Variants in RCAN3 observed in about 807,000 individuals in gnomAD.
The protein encoded by RCAN3 is calcipressin-3.
Under a neutral mutation model 21.9 loss-of-function variants are expected in RCAN3, and 19 were observed. The ratio of observed to expected loss-of-function variants is 0.87; its 90% CI spans 0.61 to 1.27. The LOEUF is 1.27. RCAN3 is among the 50% of genes most tolerant of loss of function. RCAN3 has a pLI of 0.00. For synonymous variants in RCAN3, 114 were observed against 112.3 expected (o/e 1.01, Z -0.09); for missense variants, 240 against 300.1 (o/e 0.80, Z 1.48).
chr1:24,514,299 C>T lies in RCAN3; in HGVS notation c.-59-15C>T. 1 of 1,288,052 alleles carries T rather than the reference C, an allele frequency of 7.8e-7. No individual in the cohort carries two copies. The highest frequency in any genetic ancestry group is 1.0e-6 in the Non-Finnish European group (1 of 960,460). 79.8% of individuals were successfully genotyped at this position (1,288,052 alleles called of 1,614,324 possible). A position where few individuals can be genotyped will look rare whatever the true frequency, so the allele number is the denominator to read the frequency against. ...CTTCGGAGTTTTACCTCTGCATTTT[C>T]TTTTTTTTTAACAGTGGGTGCCTGA... On this transcript the variant is annotated splice_polypyrimidine_tract_variant and intron_variant, in intron 1 of 4. Transcript: ENST00000374395.
Position 24,538,857 on chromosome 1 carries a change from G to A in RCAN3, c.*3580G>A, listed in dbSNP as rs1650370920. 6.6e-6 allele frequency: 1 copy of A among 152,050 alleles called. No individual in the cohort carries two copies. Among genetic ancestry groups the A allele is most frequent in the African/African-American group, 2.4e-5 (1 of 41,388 alleles). 9.4% of individuals were successfully genotyped at this position (152,050 alleles called of 1,614,324 possible). A position where few individuals can be genotyped will look rare whatever the true frequency, so the allele number is the denominator to read the frequency against. ...TGTGTGCCTGTAGTCTCAGCTATTT[G>A]AGAGGCTGAGGTGAGAGGATCACTT... is the stretch of plus-strand genomic sequence containing the variant. On this transcript the variant is annotated 3_prime_UTR_variant, in exon 5 of 5. Coordinates refer to ENST00000374395, the MANE Select transcript of RCAN3 (RefSeq NM_013441.4).
intron 4 of RCAN3, 134 bp downstream of exon 4, chr1:24,533,388 C>A: frequency 1.6e-6 from 1 of 609,464 alleles, no homozygotes; most frequent in Non-Finnish European, 2.6e-6. Context: ...CAGATTCCAG[C>A]TGTGGCATCT....
Position 24,539,493 on chromosome 1 carries a change from G to T in RCAN3, c.*4216G>T, listed in dbSNP as rs995495527. 1 of 152,166 alleles carries T rather than the reference G, an allele frequency of 6.6e-6. No individual in the cohort carries two copies. Among genetic ancestry groups the T allele is most frequent in the Non-Finnish European group, 1.5e-5 (1 of 68,034 alleles). The allele number at this position is 152,166 out of a possible 1,614,324, so 9.4% of individuals were successfully genotyped here. On this transcript the variant is annotated 3_prime_UTR_variant, in exon 5 of 5. Coordinates refer to ENST00000374395, the MANE Select transcript of RCAN3 (RefSeq NM_013441.4). ...TTTCATATTAATGAAATGACTAATA[G>T]TCGTACTTAAGAGGTAACTCTACTA...
chr1:24,516,356 G>A (rs1018988445), intron 2 of RCAN3, among the ~76,000 whole-genome samples: 9 of 151,984 alleles, frequency 5.9e-5, no homozygotes, highest in African/African-American at 1.9e-4. Flanking sequence ...AAAGGAGGAA[G>A]GATCACAGCC....
chr1:24,537,920 T>G lies in RCAN3; in HGVS notation c.*2643T>G, dbSNP rs1055796964. 1 of 152,166 alleles carries G rather than the reference T, an allele frequency of 6.6e-6. No individual in the cohort carries two copies. The highest frequency in any genetic ancestry group is 1.5e-5 in the Non-Finnish European group (1 of 68,046). 9.4% of individuals were successfully genotyped at this position (152,166 alleles called of 1,614,324 possible). A position where few individuals can be genotyped will look rare whatever the true frequency, so the allele number is the denominator to read the frequency against. ...GTCTCAAAAAAAAAAGATTTAACCC[T>G]GATTGATAGTATAGTAGCCATGTTT... On this transcript the variant is annotated 3_prime_UTR_variant, in exon 5 of 5. Coordinates refer to ENST00000374395, the MANE Select transcript of RCAN3 (RefSeq NM_013441.4).
chr1:24,512,049 G>C (rs1035057517), intron 1 of RCAN3, among the ~76,000 whole-genome samples: 5 of 152,142 alleles, frequency 3.3e-5, no homozygotes, highest in African/African-American at 1.2e-4. Flanking sequence ...AGGAACACAT[G>C]TTTGCTGAGG....
At chr1:24,508,053 G>A (rs574248575) in intron 1 of RCAN3, among the ~76,000 whole-genome samples, 77 of 152,164 alleles carry the variant, frequency 5.1e-4, no homozygotes, top group Middle Eastern at 3.4e-3. Context: ...AGCCGAGATC[G>A]CGCCACTGCG....
rs1473711561 is a variant in RCAN3 at position 24,525,827 on chromosome 1, G to A, written c.196-5391G>A. 6.6e-6 allele frequency among the ~76,000 whole-genome samples: 1 copy of A among 152,116 alleles called. No homozygotes were observed. Among genetic ancestry groups the A allele is most frequent in the Non-Finnish European group, 1.5e-5 (1 of 68,038 alleles). On this transcript the variant is annotated intron_variant, in intron 2 of 4. Coordinates refer to ENST00000374395, the MANE Select transcript of RCAN3 (RefSeq NM_013441.4). The surrounding 1 kb of genome is among the most constrained non-coding windows in gnomAD (Gnocchi z 4.1). ...GCCGGGTTATCAGGGGCAGCCTCAG[G>A]AATCTACATGGGGATGTCTGTGGAC...
intron 2 of RCAN3, among the ~76,000 whole-genome samples, chr1:24,515,690 T>G (rs1648260388): frequency 6.6e-6 from 1 of 152,136 alleles, no homozygotes; most frequent in South Asian, 2.1e-4. Flanking sequence ...CATACTTGAG[T>G]GCCTACGGTG....
chr1:24,520,797 C>T (rs541654016), intron 2 of RCAN3, among the ~76,000 whole-genome samples: 11 of 151,120 alleles, frequency 7.3e-5, no homozygotes, highest in Admixed American at 2.0e-4. Flanking sequence ...CAAACCTGCA[C>T]GTTGTACACA....
rs1426778590 is a variant in RCAN3, at chr1:24,537,304, A to G, written c.*2027A>G. The G allele has an allele frequency of 6.6e-6, 1 of 152,092 alleles. No individual in the cohort carries two copies. The highest frequency in any genetic ancestry group is 1.5e-5 in the Non-Finnish European group (1 of 68,026). The allele number at this position is 152,092 out of a possible 1,614,324, so 9.4% of individuals were successfully genotyped here. On this transcript the variant is annotated 3_prime_UTR_variant, in exon 5 of 5. Coordinates refer to ENST00000374395, the MANE Select transcript of RCAN3 (RefSeq NM_013441.4). ...GAGAGCCTTGAATAAATTGAAGAAAACTTTAAACCAAAATTAGAGACGAGT... is the reference window on the plus strand; with the variant it reads ...GAGAGCCTTGAATAAATTGAAGAAAGCTTTAAACCAAAATTAGAGACGAGT...
At chr1:24,535,051 G>A in intron 4 of RCAN3, 42 bp from the exon 5 acceptor site, 1 of 1,574,554 alleles carries the variant, frequency 6.4e-7, no homozygotes, top group Non-Finnish European at 8.6e-7. Context: ...CTTTTTGCTG[G>A]AAGTGATGCT....
chr1:24,537,524 C>G lies in RCAN3; in HGVS notation c.*2247C>G, dbSNP rs1244191785. Reference sequence around the variant, plus strand: ...ATATCTAGTTCATGTAACAAATTTACAAGAGATAAGTCTCATGGTTTTTTT... The same window carrying G: ...ATATCTAGTTCATGTAACAAATTTAGAAGAGATAAGTCTCATGGTTTTTTT... On this transcript the variant is annotated 3_prime_UTR_variant, in exon 5 of 5. Transcript: ENST00000374395. 3 of 152,014 alleles carry G rather than the reference C, an allele frequency of 2.0e-5. No individual in the cohort carries two copies. Among genetic ancestry groups the G allele is most frequent in the Non-Finnish European group, 4.4e-5 (3 of 68,006 alleles). The allele number at this position is 152,014 out of a possible 1,614,324, so 9.4% of individuals were successfully genotyped here.
At chr1:24,505,211 G>GT (rs796108173) in intron 1 of RCAN3, among the ~76,000 whole-genome samples, 4,833 of 89,618 alleles carry the variant, frequency 0.054, 291 homozygotes, top group African/African-American at 0.15. Flanking sequence ...TTGTTGCTTT[G>GT]TTTTTTTTTT....
chr1:24,504,336 C>T (rs1570437386), intron 1 of RCAN3, among the ~76,000 whole-genome samples: 1 of 152,102 alleles, frequency 6.6e-6, no homozygotes, highest in East Asian at 1.9e-4. Context: ...CTACAGATGC[C>T]GGCTAATTTT....
intron 1 of RCAN3, among the ~76,000 whole-genome samples, chr1:24,508,066 G>A (rs532962258): frequency 2.0e-5 from 3 of 152,168 alleles, no homozygotes; most frequent in South Asian, 2.1e-4. Flanking sequence ...CCACTGCGCC[G>A]AGACTGCGCC....
At chr1:24,510,613 G>C (rs928383388) in intron 1 of RCAN3, among the ~76,000 whole-genome samples, 8 of 152,224 alleles carry the variant, frequency 5.3e-5, no homozygotes, top group Non-Finnish European at 1.5e-5. Flanking sequence ...TTAAGGGAAT[G>C]TTGTGGCTGG....
In RCAN3 at chr1:24,540,449, C is replaced by G. The variant is rs547226265; in HGVS notation, c.*5172C>G. 3.3e-5 allele frequency: 5 copies of G among 152,350 alleles called. No individual in the cohort carries two copies. In the South Asian group the frequency reaches 8.3e-4, roughly 25 times the overall value. 9.4% of individuals were successfully genotyped at this position (152,350 alleles called of 1,614,324 possible). A position where few individuals can be genotyped will look rare whatever the true frequency, so the allele number is the denominator to read the frequency against. On this transcript the variant is annotated 3_prime_UTR_variant, in exon 5 of 5. Coordinates refer to ENST00000374395, the MANE Select transcript of RCAN3 (RefSeq NM_013441.4). ...TCACTCTCATCGTAATGGAAGATTT[C>G]TATCTATGCAGATAATACATGTTTT...
intron 2 of RCAN3, among the ~76,000 whole-genome samples, chr1:24,515,505 A>G (rs559342658): frequency 2.6e-5 from 4 of 151,826 alleles, no homozygotes; most frequent in South Asian, 2.1e-4. Flanking sequence ...ACAAAAGGCT[A>G]TAGGTCTTAG....
Sources: allele counts gnomAD v4.1 joint callset (sites outside exome capture counted in the v4.1 genomes callset), GRCh38; gene constraint gnomAD v4.1.1; non-coding constraint Gnocchi (gnomAD v3.1); transcripts MANE v1.5; gene names NCBI Gene and HGNC (gene_info 2026-07-23, HGNC 2026-07-21).